Variants in SPECC1 observed in about 807,000 individuals in gnomAD.
SPECC1 encodes sperm antigen with calponin homology and coiled-coil domains 1.
In SPECC1, 62 loss-of-function variants were observed where a neutral mutation model predicts 104.1. The ratio of observed to expected loss-of-function variants is 0.60; its 90% CI spans 0.49 to 0.74. SPECC1 has a LOEUF of 0.74. SPECC1 is among the 30% of genes least tolerant of loss of function. The probability of loss-of-function intolerance (pLI) is 0.00; values close to 1 mark genes in which losing one functional copy is unlikely to be tolerated. For missense variants in SPECC1, 1,306 were observed against 1,310.5 expected (o/e 1.00, Z 0.05); for synonymous variants, 513 against 501.6 (o/e 1.02, Z -0.30).
chr17:20,136,564 T>C (rs1325146447), intron 3 of SPECC1, among the ~76,000 whole-genome samples: 1 of 152,224 alleles, frequency 6.6e-6, no homozygotes, highest in East Asian at 1.9e-4. Flanking sequence ...TGAAAAGTTT[T>C]GCTCCTGCCC....
chr17:20,010,564 T>C (rs2043907483), intron 1 of SPECC1, among the ~76,000 whole-genome samples: 1 of 152,232 alleles, frequency 6.6e-6, no homozygotes, highest in Admixed American at 6.5e-5. Context: ...TTGAATTTGG[T>C]AGCCCAAACT....
At chr17:20,231,885 G>A (rs992068101) in intron 6 of SPECC1, 54 bp downstream of exon 6, 56 of 1,548,354 alleles carry the variant, frequency 3.6e-5, no homozygotes, top group Non-Finnish European at 4.6e-5. Flanking sequence ...TACCCGCTCC[G>A]AGGTGTGGAT....
chr17:20,014,023 C>T (rs7224875), intron 1 of SPECC1, among the ~76,000 whole-genome samples: 10,511 of 151,874 alleles, frequency 0.069, 986 homozygotes, highest in African/African-American at 0.21. Flanking sequence ...TGTGCATGTG[C>T]TCGGTTTTAG....
chr17:20,311,079 G>C (rs1276967360), intron 14 of SPECC1, among the ~76,000 whole-genome samples: 1 of 139,416 alleles, frequency 7.2e-6, no homozygotes, highest in African/African-American at 2.7e-5. Flanking sequence ...CACATACCTT[G>C]TTAGATTTAG....
intron 3 of SPECC1, among the ~76,000 whole-genome samples, chr17:20,194,055 T>A (rs2035844345): frequency 6.6e-6 from 1 of 152,210 alleles, no homozygotes; most frequent in Non-Finnish European, 1.5e-5. Context: ...GAAAGACAAA[T>A]TATGGTAAGA....
At chr17:20,032,780 A>T (rs1292709789) in intron 1 of SPECC1, among the ~76,000 whole-genome samples, 1 of 151,778 alleles carries the variant, frequency 6.6e-6, no homozygotes, top group African/African-American at 2.4e-5. Flanking sequence ...GTTTGCTCTC[A>T]CTTGCAGTTT....
chr17:20,067,739 A>G (rs1301811545), intron 1 of SPECC1, among the ~76,000 whole-genome samples: 2 of 152,194 alleles, frequency 1.3e-5, no homozygotes, highest in Admixed American at 1.3e-4. Flanking sequence ...CATAAAATTC[A>G]TACTTTTAAA....
intron 3 of SPECC1, among the ~76,000 whole-genome samples, chr17:20,121,335 C>G (rs558993257): frequency 6.7e-6 from 1 of 149,638 alleles, no homozygotes; most frequent in Admixed American, 6.8e-5. Flanking sequence ...ATTCACTTAT[C>G]TGAATTCCAA....
chr17:20,157,480 T>C (rs756402508), intron 3 of SPECC1, among the ~76,000 whole-genome samples: 34 of 152,120 alleles, frequency 2.2e-4, no homozygotes, highest in African/African-American at 7.7e-4. Flanking sequence ...AAAATAAAAA[T>C]AATATACTTG....
chr17:20,205,677 C>T lies in SPECC1; in HGVS notation c.1628C>T (p.Thr543Ile). 6.2e-7 allele frequency: 1 copy of T among 1,614,090 alleles called. No individual in the cohort carries two copies. Among genetic ancestry groups the T allele is most frequent in the Non-Finnish European group, 8.5e-7 (1 of 1,180,008 alleles). ...AAAACTTTGGAAGAGTGTAGAGTTA[C>T]CTTGGAAGGGCTAAAAATGGAGAAT... ...MAKTLEECRVTLEGLKMENGS... is the reference protein window; with the variant it reads ...MAKTLEECRVILEGLKMENGS... Residue 543 changes from threonine to isoleucine, a missense_variant, in exon 4 of 15, where the codon ACC (threonine) becomes ATC (isoleucine). This residue lies in a region of SPECC1 where 1,177 missense variants were observed against 1,139.9 expected (regional missense o/e 1.03). Coordinates refer to ENST00000395527, the MANE Select transcript of SPECC1 (RefSeq NM_001243439.2).
At chr17:20,052,877 A>G (rs2045827077) in intron 1 of SPECC1, among the ~76,000 whole-genome samples, 1 of 152,166 alleles carries the variant, frequency 6.6e-6, no homozygotes, top group African/African-American at 2.4e-5. Context: ...TGAGAATCTC[A>G]ATGTGAGGTC....
intron 7 of SPECC1, 139 bp from the exon 8 acceptor site, chr17:20,245,787 A>G (rs2039396902): frequency 3.0e-6 from 3 of 994,246 alleles, no homozygotes; most frequent in Non-Finnish European, 4.3e-6. Flanking sequence ...AAACTGGTAG[A>G]GAAAACAGGA....
At position 20,204,931 on chromosome 17, in the gene SPECC1, C is replaced by T. The variant is rs1387490061; in HGVS notation, c.882C>T (p.Ser294=). Reference sequence around the variant, plus strand: ...GAAGCCCAACTGGAAATCAGATGTCCAGTGACATTGATGAGTATAAAAAAA... The same window carrying T: ...GAAGCCCAACTGGAAATCAGATGTCTAGTGACATTGATGAGTATAAAAAAA... ...SFGSPTGNQM[S]SDIDEYKKNI... is the part of the protein sequence containing the mutation. Residue 294 remains serine, a synonymous_variant, in exon 4 of 15, where the codon TCC becomes TCT. Coordinates refer to ENST00000395527, the MANE Select transcript of SPECC1 (RefSeq NM_001243439.2). 8 of 1,613,948 alleles carry T rather than the reference C, an allele frequency of 5.0e-6. No homozygotes were observed. In the African/African-American group the frequency reaches 1.1e-4, roughly 22 times the overall value.
intron 14 of SPECC1, among the ~76,000 whole-genome samples, chr17:20,306,532 G>T (rs1223445949): frequency 6.6e-6 from 1 of 152,250 alleles, no homozygotes; most frequent in African/African-American, 2.4e-5. Flanking sequence ...CAGCAAGCCT[G>T]CATAAAGCCA....
intron 3 of SPECC1, chr17:20,112,888 T>C (rs1429410451): frequency 1.3e-6 from 2 of 1,574,992 alleles, no homozygotes; most frequent in Non-Finnish European, 1.7e-6. Context: ...GTGATCTGTC[T>C]GGGTGTGATC....
chr17:20,029,845 G>T (rs2044738869), intron 1 of SPECC1, among the ~76,000 whole-genome samples: 1 of 152,100 alleles, frequency 6.6e-6, no homozygotes, highest in South Asian at 2.1e-4. Flanking sequence ...TCTTTTCAAA[G>T]AACTAGCTTT....
chr17:20,052,859 A>G (rs1597619966), intron 1 of SPECC1, among the ~76,000 whole-genome samples: 1 of 152,216 alleles, frequency 6.6e-6, no homozygotes, highest in South Asian at 2.1e-4. Context: ...AACAAAATGG[A>G]TTTGAGGTGA....
At chr17:20,018,401 T>G (rs916638405) in intron 1 of SPECC1, among the ~76,000 whole-genome samples, 7 of 152,258 alleles carry the variant, frequency 4.6e-5, no homozygotes, top group Admixed American at 1.3e-4. Context: ...GTTTAGTTTA[T>G]TGTTTTGGGG....
chr17:20,053,976 A>G (rs3862151), intron 1 of SPECC1, among the ~76,000 whole-genome samples: 34,239 of 151,804 alleles, frequency 0.23, 4,708 homozygotes, highest in Middle Eastern at 0.35. Flanking sequence ...CAAGGAAACA[A>G]CTCCTTCCTC....
Sources: gnomAD v4.1 joint callset for allele counts (sites outside exome capture counted in the v4.1 genomes callset) on GRCh38, gnomAD v4.1.1 for gene constraint, gnomAD v4.1.1 regional missense constraint, MANE v1.5 for transcripts, NCBI Gene and HGNC (gene_info 2026-07-23, HGNC 2026-07-21) for gene names.